SYNE2: variants seen among roughly 807,000 people sequenced by gnomAD.
SYNE2 encodes the protein spectrin repeat containing nuclear envelope protein 2, also known as nesprin-2.
SYNE2 carries 431 observed loss-of-function variants against 856.3 expected under a neutral mutation model. That is an observed-to-expected ratio of 0.50 (90% CI 0.47 to 0.55). The LOEUF is 0.55. SYNE2 is among the 20% of genes least tolerant of loss of function. SYNE2 has a pLI of 0.00. For missense variants in SYNE2, 8,129 were observed against 8,023.2 expected (o/e 1.01, Z -0.50); for synonymous variants, 2,923 against 2,872.3 (o/e 1.02, Z -0.56).
At chr14:64,207,476 A>C (rs2098611333) in intron 100 of SYNE2, among the ~76,000 whole-genome samples, 1 of 151,684 alleles carries the variant, frequency 6.6e-6, no homozygotes, top group Admixed American at 6.6e-5. Flanking sequence ...TGGGAGGATC[A>C]CTTGAGCCCG....
intron 70 of SYNE2, among the ~76,000 whole-genome samples, chr14:64,124,377 ATT>A (rs372149959): frequency 0.18 from 23,064 of 129,798 alleles, 2,384 homozygotes; most frequent in African/African-American, 0.33. Flanking sequence ...TTTTTGTATA[ATT>A]TTTTTTTTTT....
chr14:63,892,966 T>G (rs1278460386), intron 1 of SYNE2, among the ~76,000 whole-genome samples: 1 of 152,046 alleles, frequency 6.6e-6, no homozygotes, highest in East Asian at 1.9e-4. Context: ...ATATTATATG[T>G]CAGTCAAGAG....
At chr14:63,785,189 G>A (rs957026250) in intron 1 of SYNE2, among the ~76,000 whole-genome samples, 2 of 151,974 alleles carry the variant, frequency 1.3e-5, no homozygotes, top group African/African-American at 2.4e-5. Context: ...GGCCAGGCAC[G>A]GTGGCTCACA....
chr14:64,125,515 G>GTA (rs577293485), intron 71 of SYNE2, among the ~76,000 whole-genome samples: 24 of 152,298 alleles, frequency 1.6e-4, no homozygotes, highest in African/African-American at 5.3e-4. Flanking sequence ...TAGGGAGGGA[G>GTA]TATAGGCATG....
At chr14:63,947,723 G>A (rs926146085) in intron 6 of SYNE2, among the ~76,000 whole-genome samples, 1 of 152,100 alleles carries the variant, frequency 6.6e-6, no homozygotes, top group Non-Finnish European at 1.5e-5. Flanking sequence ...TGTAATTCCA[G>A]CTACTCGAGA....
At chr14:63,875,561 C>G (rs1419222252) in intron 1 of SYNE2, among the ~76,000 whole-genome samples, 1 of 151,902 alleles carries the variant, frequency 6.6e-6, no homozygotes, top group African/African-American at 2.4e-5. Flanking sequence ...ATGCTGTTGC[C>G]TGCGTTTGTG....
At chr14:64,181,414 C>G (rs527628259) in intron 96 of SYNE2, among the ~76,000 whole-genome samples, 1 of 152,306 alleles carries the variant, frequency 6.6e-6, no homozygotes, top group African/African-American at 2.4e-5. Flanking sequence ...GTCTAGAAAC[C>G]TGTGCAGAAC....
chr14:63,808,922 C>A (rs1888496992), intron 1 of SYNE2, among the ~76,000 whole-genome samples: 4 of 152,134 alleles, frequency 2.6e-5, no homozygotes, highest in Admixed American at 2.6e-4. Flanking sequence ...TCTCGGGAGG[C>A]TGAGGCAGGA....
At position 64,175,155 on chromosome 14, in the gene SYNE2, C is replaced by T. The variant is rs768432917; in HGVS notation, c.17430+17C>T. The T allele has an allele frequency of 2.6e-5, 42 of 1,613,204 alleles. No individual in the cohort carries two copies. Among genetic ancestry groups the T allele is most frequent in the Non-Finnish European group, 3.4e-5 (40 of 1,179,410 alleles). ...ACTGTAGAGGTAAACTCACCACTTA[C>T]TTTTCCATTCATGATATTCAAATTC... On this transcript the variant is annotated intron_variant, in intron 95 of 115. Coordinates refer to ENST00000555002, the MANE Select transcript of SYNE2 (RefSeq NM_182914.3).
chr14:64,196,896 C>T (rs904227308), intron 99 of SYNE2: 7 of 152,166 alleles, frequency 4.6e-5, no homozygotes, highest in East Asian at 1.9e-4. Flanking sequence ...TCTTCCTTCC[C>T]GCTGGCATTG....
intron 57 of SYNE2, chr14:64,085,194 T>G: frequency 1.9e-6 from 1 of 536,530 alleles, no homozygotes; most frequent in Non-Finnish European, 3.3e-6. Context: ...CACCTTAGCC[T>G]CCCAGGTAGT....
At chr14:63,805,621 C>T (rs183110732) in intron 1 of SYNE2, among the ~76,000 whole-genome samples, 94 of 132,900 alleles carry the variant, frequency 7.1e-4, no homozygotes, top group Non-Finnish European at 3.3e-4. Flanking sequence ...GTGATCCGCC[C>T]GCCTCGGCCT....
At chr14:64,012,942 C>A (rs779891027) in intron 32 of SYNE2, among the ~76,000 whole-genome samples, 1 of 152,266 alleles carries the variant, frequency 6.6e-6, no homozygotes, top group East Asian at 1.9e-4. Context: ...TTTTGTCCTT[C>A]AAAACTGTAG....
In SYNE2 at chr14:64,119,434, T is replaced by C. The variant is rs1380121733; in HGVS notation, c.12848T>C (p.Leu4283Pro). The C allele has an allele frequency of 6.2e-7, 1 of 1,614,234 alleles. No homozygotes were observed. Among genetic ancestry groups the C allele is most frequent in the Non-Finnish European group, 8.5e-7 (1 of 1,180,034 alleles). Residue 4283 changes from leucine to proline, a missense_variant, in exon 67 of 116, where the codon CTA becomes CCA. Transcript: ENST00000555002. Reference sequence around the variant, plus strand: ...AATGCTTTTATTTCCTAGGCTATGCTAACAGAGATTGAGCACAAGGTTGCC... The same window carrying C: ...AATGCTTTTATTTCCTAGGCTATGCCAACAGAGATTGAGCACAAGGTTGCC... Reference protein sequence around the residue: ...EQQLVGCQAMLTEIEHKVAFL... With the variant: ...EQQLVGCQAMPTEIEHKVAFL...
intron 55 of SYNE2, among the ~76,000 whole-genome samples, chr14:64,079,451 G>T (rs940501782): frequency 2.6e-5 from 4 of 152,158 alleles, no homozygotes; most frequent in Non-Finnish European, 5.9e-5. Flanking sequence ...TCAGAGTATG[G>T]CTCACTATTG....
chr14:64,225,420 G>A lies in SYNE2; in HGVS notation c.20618G>A (p.Cys6873Tyr). 2 of 1,614,062 alleles carry A rather than the reference G, an allele frequency of 1.2e-6. No homozygotes were observed. The highest frequency in any genetic ancestry group is 2.2e-5 in the South Asian group (2 of 91,064). ...LLLLLLLLLA[C>Y]LLPSSEEDYS... ...CTCCTGCTGCTGCTGCTCCTGGCCT[G>A]CCTGCTGCCCTCCTCCGAAGAAGAC... Residue 6873 changes from cysteine (C) to tyrosine (Y), a missense_variant, in exon 116 of 116, where the codon TGC becomes TAC. Transcript: ENST00000555002.
intron 75 of SYNE2, 57 bp from the exon 76 acceptor site, chr14:64,129,991 C>T (rs1271921454): frequency 6.2e-7 from 1 of 1,613,272 alleles, no homozygotes; most frequent in East Asian, 2.2e-5. Context: ...ATTTGTCTTT[C>T]AGTTATTGCC....
At chr14:64,215,482 A>G in intron 107 of SYNE2, 128 bp downstream of exon 107, 1 of 949,396 alleles carries the variant, frequency 1.1e-6, no homozygotes, top group Non-Finnish European at 1.7e-6. Flanking sequence ...TCCTTGTGTC[A>G]TGGTGTATTT....
At chr14:63,803,594 C>G (rs1017279755) in intron 1 of SYNE2, among the ~76,000 whole-genome samples, 23 of 152,218 alleles carry the variant, frequency 1.5e-4, no homozygotes, top group Non-Finnish European at 2.8e-4. Flanking sequence ...GCCCGGAACT[C>G]CAGCTGGCCT....
Sources: allele counts gnomAD v4.1 joint callset (sites outside exome capture counted in the v4.1 genomes callset), GRCh38; gene constraint gnomAD v4.1.1; transcripts MANE v1.5; gene names NCBI Gene and HGNC (gene_info 2026-07-23, HGNC 2026-07-21).